The following YARS1 variants were observed in gnomAD, a reference collection of about 807,000 sequenced individuals.
YARS1 encodes tyrosine--tRNA ligase, cytoplasmic.
In YARS1, 36 loss-of-function variants were observed where a neutral mutation model predicts 62.2. The ratio of observed to expected loss-of-function variants is 0.58; its 90% CI spans 0.44 to 0.76. The LOEUF is 0.76. Among genes scored for constraint, YARS1 ranks in the 30% least tolerant of loss-of-function variants. The probability of loss-of-function intolerance (pLI) is 0.00; values close to 1 mark genes in which losing one functional copy is unlikely to be tolerated. For missense variants in YARS1, 524 were observed against 639.8 expected, an observed-to-expected ratio of 0.82 and a Z score of 1.95; for synonymous variants, 234 against 244.9, an observed-to-expected ratio of 0.96 and a Z score of 0.42.
chr1:32,801,465 G>A (rs1638291003), intron 4 of YARS1, among the ~76,000 whole-genome samples: 1 of 152,192 alleles, frequency 6.6e-6, no homozygotes, highest in African/African-American at 2.4e-5. Context: ...GATCATCTGA[G>A]CCTTCAGCAA....
At chr1:32,788,711 G>A (rs1017790109) in intron 6 of YARS1, among the ~76,000 whole-genome samples, 4 of 152,058 alleles carry the variant, frequency 2.6e-5, no homozygotes, top group Non-Finnish European at 1.5e-5. Context: ...GATTACAGGC[G>A]TGAGCCACCG....
intron 5 of YARS1, 91 bp downstream of exon 5, chr1:32,797,672 T>A: frequency 3.7e-6 from 4 of 1,083,328 alleles, no homozygotes; most frequent in Non-Finnish European, 5.7e-6. Flanking sequence ...CCATACACTA[T>A]GACTAGTGGG....
chr1:32,791,392 A>T, intron 5 of YARS1, 138 bp from the exon 6 acceptor site: 1 of 748,040 alleles, frequency 1.3e-6, no homozygotes, highest in East Asian at 2.6e-5. Flanking sequence ...TGTAGCTTTG[A>T]CAGTGACTGT....
intron 4 of YARS1, among the ~76,000 whole-genome samples, chr1:32,804,463 C>G (rs1054033356): frequency 1.3e-5 from 2 of 151,758 alleles, no homozygotes; most frequent in Non-Finnish European, 2.9e-5. Flanking sequence ...GGAGACGCTC[C>G]TCACTTCCCA....
intron 4 of YARS1, among the ~76,000 whole-genome samples, chr1:32,804,734 T>G (rs1300660975): frequency 4.1e-5 from 6 of 148,004 alleles, no homozygotes; most frequent in Non-Finnish European, 5.9e-5. Flanking sequence ...GAAGATGCGC[T>G]CCTCACTTCC....
intron 5 of YARS1, among the ~76,000 whole-genome samples, chr1:32,793,186 C>CA (rs1260049889): frequency 6.6e-6 from 1 of 152,102 alleles, no homozygotes; most frequent in Non-Finnish European, 1.5e-5. Flanking sequence ...GAATATGAGA[C>CA]ATGAGTTTTA....
At chr1:32,781,419 T>C (rs750611782) in intron 9 of YARS1, 14 of 445,994 alleles carry the variant, frequency 3.1e-5, no homozygotes, top group African/African-American at 8.0e-5. Context: ...GCATTCCACA[T>C]AGAATTTACT....
At chr1:32,797,671 A>G (rs2148610246) in intron 5 of YARS1, 92 bp downstream of exon 5, 1 of 1,084,992 alleles carries the variant, frequency 9.2e-7, no homozygotes, top group East Asian at 2.4e-5. Context: ...ACCATACACT[A>G]TGACTAGTGG....
At chr1:32,778,736 C>CTTTT (rs67504155) in intron 12 of YARS1, among the ~76,000 whole-genome samples, 9 of 120,058 alleles carry the variant, frequency 7.5e-5, no homozygotes, top group East Asian at 2.3e-4. Flanking sequence ...CTTTTCTTTT[C>CTTTT]TTTTTTTTTT....
At chr1:32,791,099 C>G (rs1653398967) in intron 6 of YARS1, 63 bp downstream of exon 6, 2 of 1,434,738 alleles carry the variant, frequency 1.4e-6, no homozygotes, top group Non-Finnish European at 2.0e-6. Context: ...CTGTTCTTTT[C>G]AGTCCTCAAT....
intron 12 of YARS1, among the ~76,000 whole-genome samples, chr1:32,777,993 G>C (rs1652926283): frequency 6.6e-6 from 1 of 152,042 alleles, no homozygotes; most frequent in Admixed American, 6.6e-5. Flanking sequence ...CAGAAAAAAA[G>C]AGATTCACAA....
At chr1:32,779,563 T>A (rs1652988378) in intron 11 of YARS1, 40 bp from the exon 12 acceptor site, 1 of 1,613,936 alleles carries the variant, frequency 6.2e-7, no homozygotes, top group African/African-American at 1.3e-5. Flanking sequence ...AGGCTATGGA[T>A]GGGTTCCAGT....
chr1:32,779,062 C>T (rs1277280606), intron 12 of YARS1, among the ~76,000 whole-genome samples: 1 of 152,074 alleles, frequency 6.6e-6, no homozygotes, highest in Admixed American at 6.6e-5. Flanking sequence ...TTTCTGGTGA[C>T]CCTATGTGGC....
intron 1 of YARS1, among the ~76,000 whole-genome samples, chr1:32,811,832 G>A (rs1179549624): frequency 6.6e-6 from 1 of 151,864 alleles, no homozygotes; most frequent in Non-Finnish European, 1.5e-5. Flanking sequence ...GTGGGGACAT[G>A]CCCCTAACTG....
intron 5 of YARS1, among the ~76,000 whole-genome samples, chr1:32,795,854 T>C (rs566991086): frequency 1.3e-5 from 2 of 152,190 alleles, no homozygotes; most frequent in South Asian, 2.1e-4. Flanking sequence ...ATATGCTCTT[T>C]ACTGCTTATT....
chr1:32,806,023 A>G (rs915106836), intron 4 of YARS1, among the ~76,000 whole-genome samples: 1 of 152,168 alleles, frequency 6.6e-6, no homozygotes, highest in Non-Finnish European at 1.5e-5. Context: ...CTTAGAGGCC[A>G]TTGTAGGGTT....
chr1:32,801,942 C>CTTTTTTTTTTT (rs34270752), intron 4 of YARS1, among the ~76,000 whole-genome samples: 52 of 103,876 alleles, frequency 5.0e-4, no homozygotes, highest in Non-Finnish European at 8.0e-4. Flanking sequence ...CTTGTTATTT[C>CTTTTTTTTTTT]TTTTTTTTTT....
intron 3 of YARS1, among the ~76,000 whole-genome samples, chr1:32,809,962 C>T (rs1036761822): frequency 4.0e-5 from 6 of 151,892 alleles, no homozygotes; most frequent in Admixed American, 6.6e-5. Flanking sequence ...AAAAATTAGC[C>T]GGGTGTGGTG....
intron 4 of YARS1, among the ~76,000 whole-genome samples, chr1:32,800,503 C>T (rs1187499469): frequency 1.3e-5 from 2 of 151,990 alleles, no homozygotes; most frequent in Non-Finnish European, 2.9e-5. Context: ...AAAAATTATA[C>T]AGATATACAA....
Sources: gnomAD v4.1 joint callset for allele counts (sites outside exome capture counted in the v4.1 genomes callset) on GRCh38, gnomAD v4.1.1 for gene constraint, MANE v1.5 for transcripts, NCBI Gene and HGNC (gene_info 2026-07-23, HGNC 2026-07-21) for gene names.